The following ZNF451 variants were observed in gnomAD, a reference collection of about 807,000 sequenced individuals.
ZNF451 encodes zinc finger protein 451.
A neutral mutation model predicts 107.1 loss-of-function variants in ZNF451; 80 were observed. The observed-to-expected ratio is 0.75, with a 90% CI of 0.62 to 0.90. The LOEUF (loss-of-function observed/expected upper bound fraction) is 0.90. Among genes scored for constraint, ZNF451 ranks in the 40% least tolerant of loss-of-function variants. The pLI is 0.00. For synonymous variants in ZNF451, 362 were observed against 406.5 expected, an observed-to-expected ratio of 0.89 and a Z score of 1.32; for missense variants, 1,107 against 1,236.2, an observed-to-expected ratio of 0.90 and a Z score of 1.57.
chr6:57,147,593 G>T lies in ZNF451; in HGVS notation c.1508G>T (p.Cys503Phe), dbSNP rs760525627. ...ACAATGGGTTATAAATGTGTGGTCT[G>T]TGGAAAGGTATGTGATGATTCAGGG... ...ANTMGYKCVVCGKVCDDSGVI... is the reference protein window; with the variant it reads ...ANTMGYKCVVFGKVCDDSGVI... The change falls in exon 10 of 15, where the codon TGT becomes TTT. Residue 503 changes from cysteine (C) to phenylalanine (F), a missense_variant. Coordinates refer to ENST00000370706, the MANE Select transcript of ZNF451 (RefSeq NM_001031623.3). 1 of 1,614,032 alleles carries T rather than the reference G, an allele frequency of 6.2e-7. No individual in the cohort carries two copies. The highest frequency in any genetic ancestry group is 1.3e-5 in the African/African-American group (1 of 74,922).
intron 3 of ZNF451, among the ~76,000 whole-genome samples, chr6:57,118,364 A>G (rs1038414985): frequency 2.0e-5 from 3 of 152,070 alleles, no homozygotes; most frequent in African/African-American, 7.2e-5. Flanking sequence ...AAGTTAACAC[A>G]CTCTATACCT....
chr6:57,138,194 T>G (rs998250664), intron 7 of ZNF451, among the ~76,000 whole-genome samples: 1 of 152,104 alleles, frequency 6.6e-6, no homozygotes, highest in Non-Finnish European at 1.5e-5. Flanking sequence ...CATTTTACTT[T>G]CCCGCCAGCA....
At chr6:57,126,853 T>C (rs191361681) in intron 4 of ZNF451, among the ~76,000 whole-genome samples, 65 of 152,326 alleles carry the variant, frequency 4.3e-4, no homozygotes, top group Admixed American at 1.0e-3. Flanking sequence ...ACTATGCATG[T>C]TCATAGAGTT....
rs1831041689 is a variant in ZNF451 at position 57,128,694 on chromosome 6, G to C, written c.313-35G>C. On this transcript the variant is annotated intron_variant, in intron 4 of 14. Coordinates refer to ENST00000370706, the MANE Select transcript of ZNF451 (RefSeq NM_001031623.3). ...TCCTTTTCTCAAGGAAAACAGGGTA[G>C]TAATCTTAATTGAGTTTTTTCTTAA... 2.8e-6 allele frequency: 4 copies of C among 1,441,038 alleles called. No individual in the cohort carries two copies. The East Asian group carries it at 9.1e-5, about 33-fold the overall frequency. 89.3% of individuals were successfully genotyped at this position (1,441,038 alleles called of 1,614,324 possible).
At chr6:57,126,751 T>C (rs1192241875) in intron 4 of ZNF451, among the ~76,000 whole-genome samples, 1 of 152,138 alleles carries the variant, frequency 6.6e-6, no homozygotes, top group Non-Finnish European at 1.5e-5. Context: ...TGAAACCCCG[T>C]CTGTACTAAA....
At chr6:57,104,625 C>T (rs1182440332) in intron 3 of ZNF451, 2 of 984,848 alleles carry the variant, frequency 2.0e-6, no homozygotes, top group African/African-American at 3.5e-5. Context: ...AAAAAAAAGG[C>T]ACATAAAGCT....
intron 9 of ZNF451, among the ~76,000 whole-genome samples, chr6:57,146,554 T>G (rs1295892390): frequency 1.3e-5 from 2 of 152,228 alleles, no homozygotes; most frequent in African/African-American, 4.8e-5. Flanking sequence ...TTTGTCAATT[T>G]CATCAAAGAT....
At chr6:57,091,556 A>G (rs545271863) in intron 2 of ZNF451, 1 of 153,026 alleles carries the variant, frequency 6.5e-6, no homozygotes, top group African/African-American at 2.4e-5. Flanking sequence ...GTGCAGGGAC[A>G]TAAGGATTTC....
intron 3 of ZNF451, chr6:57,101,180 A>C (rs1225233878): frequency 6.4e-7 from 1 of 1,550,732 alleles, no homozygotes; most frequent in Non-Finnish European, 8.7e-7. Context: ...GACCCCAGCC[A>C]ATCTAGTTTC....
At chr6:57,157,968 T>C (rs1763508423) in intron 13 of ZNF451, among the ~76,000 whole-genome samples, 1 of 152,254 alleles carries the variant, frequency 6.6e-6, no homozygotes, top group Admixed American at 6.5e-5. Context: ...TTTATGTTTG[T>C]AGTGTTTACA....
rs2127983388 is a variant in ZNF451 at position 57,153,738 on chromosome 6, G to C, written c.2884-123G>C. On this transcript the variant is annotated intron_variant, in intron 12 of 14. Transcript: ENST00000370706. ...GAAGGAGATCTTTATGTCATACTTT[G>C]GTAGGGACTAGGGAACAAGCTTAAT... 3.3e-6 allele frequency: 3 copies of C among 910,162 alleles called. No individual in the cohort carries two copies. In the East Asian group the frequency reaches 7.6e-5, roughly 23 times the overall value. 56.4% of individuals were successfully genotyped at this position (910,162 alleles called of 1,614,324 possible).
chr6:57,138,179 T>G (rs1831529484), intron 7 of ZNF451, among the ~76,000 whole-genome samples: 3 of 152,168 alleles, frequency 2.0e-5, no homozygotes, highest in Non-Finnish European at 1.5e-5. Context: ...TCTAGTGCAC[T>G]GCACCATTTT....
chr6:57,158,832 G>T, intron 13 of ZNF451: 2 of 985,432 alleles, frequency 2.0e-6, no homozygotes, highest in Non-Finnish European at 2.4e-6. Context: ...CCATTTAGTT[G>T]TGGCTTCATT....
rs1831358343 is a variant in ZNF451 at position 57,134,878 on chromosome 6, C to A, written c.702+8C>A. 1 of 1,597,240 alleles carries A rather than the reference C, an allele frequency of 6.3e-7. No homozygotes were observed. The highest frequency in any genetic ancestry group is 1.3e-5 in the African/African-American group (1 of 74,228). On this transcript the variant is annotated splice_region_variant and intron_variant, in intron 7 of 14. Coordinates refer to ENST00000370706, the MANE Select transcript of ZNF451 (RefSeq NM_001031623.3). ...GATCACCTTTTTGATAAGGTAAGAG[C>A]ATGTCCTAAATTAAAAGTATTATTT...
At chr6:57,101,004 A>G (rs1171178498) in intron 3 of ZNF451, 1 of 1,550,856 alleles carries the variant, frequency 6.4e-7, no homozygotes, top group Non-Finnish European at 8.7e-7. Flanking sequence ...CCCGAGTGAT[A>G]CGTGATCTGC....
At chr6:57,123,467 C>T (rs1014087759) in intron 3 of ZNF451, among the ~76,000 whole-genome samples, 4 of 152,106 alleles carry the variant, frequency 2.6e-5, no homozygotes, top group Admixed American at 6.5e-5. Flanking sequence ...CTTGGGTTCA[C>T]ATGGAGAATA....
At chr6:57,129,285 T>G (rs1268029274) in intron 5 of ZNF451, among the ~76,000 whole-genome samples, 1 of 152,160 alleles carries the variant, frequency 6.6e-6, no homozygotes, top group Non-Finnish European at 1.5e-5. Context: ...CCTCATAGAC[T>G]TGTCAAAACA....
intron 3 of ZNF451, chr6:57,102,702 A>C (rs925551437): frequency 1.0e-6 from 1 of 985,330 alleles, no homozygotes; most frequent in South Asian, 4.7e-5. Flanking sequence ...CTGGAATTCA[A>C]ATCAAATTTT....
intron 3 of ZNF451, among the ~76,000 whole-genome samples, chr6:57,119,655 C>A (rs1405111923): frequency 6.6e-6 from 1 of 152,086 alleles, no homozygotes; most frequent in African/African-American, 2.4e-5. Flanking sequence ...TTACCTCCTC[C>A]CCTCCCACCC....
Sources: allele counts gnomAD v4.1 joint callset (sites outside exome capture counted in the v4.1 genomes callset), GRCh38; gene constraint gnomAD v4.1.1; transcripts MANE v1.5; gene names NCBI Gene and HGNC (gene_info 2026-07-23, HGNC 2026-07-21).